The following PARD3 variants were observed in gnomAD, a reference collection of about 807,000 sequenced individuals.
PARD3 encodes the protein par-3 family cell polarity regulator, also known as partitioning defective 3 homolog.
In PARD3, 75 loss-of-function variants were observed where a neutral mutation model predicts 155.4. The ratio of observed to expected loss-of-function variants is 0.48; its 90% CI spans 0.40 to 0.58. The LOEUF is 0.58. PARD3 is among the 20% of genes least tolerant of loss of function. PARD3 has a pLI of 0.00. For synonymous variants in PARD3, 576 were observed against 610.5 expected (o/e 0.94, Z 0.83); for missense variants, 1,642 against 1,721.7 (o/e 0.95, Z 0.82).
intron 5 of PARD3, among the ~76,000 whole-genome samples, chr10:34,436,666 T>C (rs2076202997): frequency 6.6e-6 from 1 of 152,232 alleles, no homozygotes; most frequent in South Asian, 2.1e-4. Context: ...TTTACTGCAG[T>C]ATATTTATGC....
At chr10:34,698,086 A>G (rs2094207883) in intron 1 of PARD3, among the ~76,000 whole-genome samples, 1 of 152,110 alleles carries the variant, frequency 6.6e-6, no homozygotes, top group Non-Finnish European at 1.5e-5. Flanking sequence ...AGCAAGCTCA[A>G]GGGTGACCCA....
intron 2 of PARD3, among the ~76,000 whole-genome samples, chr10:34,612,508 T>C (rs1364133530): frequency 6.6e-6 from 1 of 152,216 alleles, no homozygotes; most frequent in Non-Finnish European, 1.5e-5. Flanking sequence ...ACGTGTAAGA[T>C]GACAATCGTG....
At chr10:34,149,812 G>A (rs6481891) in intron 22 of PARD3, among the ~76,000 whole-genome samples, 29,439 of 152,086 alleles carry the variant, frequency 0.19, 3,538 homozygotes, top group Middle Eastern at 0.38. Context: ...TCCTCTGATC[G>A]TAGATTAAGG....
At chr10:34,669,831 A>G (rs1245567627) in intron 2 of PARD3, among the ~76,000 whole-genome samples, 2 of 152,228 alleles carry the variant, frequency 1.3e-5, no homozygotes, top group African/African-American at 4.8e-5. Flanking sequence ...ACATAGGTAC[A>G]AAAACATATT....
chr10:34,345,023 G>C (rs1463404752), intron 15 of PARD3: 1 of 984,874 alleles, frequency 1.0e-6, no homozygotes, highest in Admixed American at 6.1e-5. Context: ...TGCCAGGATA[G>C]AATAAGATCT....
intron 1 of PARD3, among the ~76,000 whole-genome samples, chr10:34,728,131 AAC>A (rs758693557): frequency 6.7e-6 from 1 of 148,364 alleles, no homozygotes; most frequent in Non-Finnish European, 1.5e-5. Flanking sequence ...AGGCAAGAAA[AAC>A]ACAGAGTAAA....
chr10:34,119,857 ATTTG>A (rs1946889871), intron 23 of PARD3, 117 bp from the exon 24 acceptor site: 1 of 986,690 alleles, frequency 1.0e-6, no homozygotes, highest in Non-Finnish European at 1.4e-6. Context: ...AAATTCTGTG[ATTTG>A]TTTTTCAAAA....
rs193139317 is a variant in PARD3 at position 34,212,102 on chromosome 10, G to A, written c.3419+57555C>T. On this transcript the variant is annotated intron_variant, in intron 22 of 24. Transcript: ENST00000374788. Reference sequence around the variant, plus strand: ...ATTTCTGCCCTCTCCTCCCATTCTTGCATCTACTAACTTAAGTATGCTCAA... The same window carrying A: ...ATTTCTGCCCTCTCCTCCCATTCTTACATCTACTAACTTAAGTATGCTCAA... Among the ~76,000 whole-genome samples, 382 of 144,616 alleles carry A rather than the reference G, an allele frequency of 2.6e-3. 1 individual carries two copies. Among genetic ancestry groups the A allele is most frequent in the African/African-American group, 8.2e-3 (319 of 38,874 alleles). The allele number at this position is 144,616 out of a possible 152,430, so 94.9% of individuals were successfully genotyped here. A position where few individuals can be genotyped will look rare whatever the true frequency, so the allele number is the denominator to read the frequency against.
intron 7 of PARD3, among the ~76,000 whole-genome samples, chr10:34,386,123 T>C (rs1842323589): frequency 6.6e-6 from 1 of 152,208 alleles, no homozygotes; most frequent in South Asian, 2.1e-4. Flanking sequence ...CTAACTTTTA[T>C]TAATAAATAT....
chr10:34,341,887 A>G, intron 15 of PARD3, 71 bp from the exon 16 acceptor site: 2 of 919,046 alleles, frequency 2.2e-6, no homozygotes, highest in Admixed American at 2.4e-5. Flanking sequence ...TAATTTTAAT[A>G]CTTTGCTATA....
chr10:34,364,836 C>G (rs1839813268), intron 12 of PARD3, among the ~76,000 whole-genome samples: 1 of 152,096 alleles, frequency 6.6e-6, no homozygotes, highest in African/African-American at 2.4e-5. Context: ...TGTAAACAAG[C>G]CATTCACTAA....
In PARD3 at chr10:34,368,598, G is replaced by C. The variant is rs1840230130; in HGVS notation, c.1707+3900C>G. Among the ~76,000 whole-genome samples the C allele has an allele frequency of 1.3e-5, 2 of 152,024 alleles. 1 individual carries two copies. The highest frequency in any genetic ancestry group is 4.1e-4 in the South Asian group (2 of 4,824). Reference sequence around the variant, plus strand: ...GAGGCAGGAGAATAGTGTGAACCCGGGGGGTGGAGCTTGCAGTGAGCCAAG... The same window carrying C: ...GAGGCAGGAGAATAGTGTGAACCCGCGGGGTGGAGCTTGCAGTGAGCCAAG... On this transcript the variant is annotated intron_variant, in intron 12 of 24. Transcript: ENST00000374788.
chr10:34,171,950 C>CAAAAAAAAAAAA (rs71033303), intron 22 of PARD3, among the ~76,000 whole-genome samples: 2 of 47,248 alleles, frequency 4.2e-5, no homozygotes, highest in African/African-American at 1.9e-4. Context: ...GACTCCATCT[C>CAAAAAAAAAAAA]AAAAAAAAAA....
intron 5 of PARD3, among the ~76,000 whole-genome samples, chr10:34,403,761 C>T (rs1162519709): frequency 6.6e-5 from 10 of 152,134 alleles, no homozygotes; most frequent in Admixed American, 5.9e-4. Flanking sequence ...CTTGAACGTG[C>T]CTGAGAACTG....
chr10:34,397,803 G>A (rs1192599002), intron 7 of PARD3, among the ~76,000 whole-genome samples: 2 of 152,156 alleles, frequency 1.3e-5, no homozygotes, highest in African/African-American at 4.8e-5. Context: ...CATTTGTGAT[G>A]AGTTATGTTT....
At chr10:34,163,246 C>T (rs1949367718) in intron 22 of PARD3, among the ~76,000 whole-genome samples, 1 of 152,074 alleles carries the variant, frequency 6.6e-6, no homozygotes, top group Non-Finnish European at 1.5e-5. Context: ...GGCCACTCCA[C>T]AGCCGGTGGG....
In PARD3 at chr10:34,337,282, AT is replaced by A. The variant is rs1385447795; in HGVS notation, c.2552del (p.Asp851ValfsTer2). ...FVKTRKSKSMDLGIADETKLN... is the reference protein window; with the variant it reads ...FVKTRKSKSMXLGIADETKLN... Reference sequence around the variant, plus strand: ...CATGGAGATTGTACTCACTACCTAAATCCATGCTTTTTGATTTTCGTGTTTT... The same window carrying A: ...CATGGAGATTGTACTCACTACCTAAACCATGCTTTTTGATTTTCGTGTTTT... On this transcript the variant is annotated frameshift_variant, in exon 17 of 25. Coordinates refer to ENST00000374788, the MANE Select transcript of PARD3 (RefSeq NM_001184785.2). LOFTEE classifies it high-confidence loss of function. The A allele has an allele frequency of 6.3e-7, 1 of 1,593,162 alleles. No individual in the cohort carries two copies. Among genetic ancestry groups the A allele is most frequent in the African/African-American group, 1.4e-5 (1 of 73,676 alleles).
At chr10:34,272,238 A>G (rs1955649377) in intron 21 of PARD3, among the ~76,000 whole-genome samples, 1 of 152,218 alleles carries the variant, frequency 6.6e-6, no homozygotes, top group Non-Finnish European at 1.5e-5. Flanking sequence ...TTTAGGAACT[A>G]GTGCGTGGAG....
chr10:34,583,115 A>C (rs2134275242), intron 2 of PARD3, among the ~76,000 whole-genome samples: 1 of 152,356 alleles, frequency 6.6e-6, no homozygotes, highest in East Asian at 1.9e-4. Context: ...ACCTGGGATT[A>C]AATGTGGTGG....
Sources: allele counts gnomAD v4.1 joint callset (sites outside exome capture counted in the v4.1 genomes callset), GRCh38; gene constraint gnomAD v4.1.1; transcripts MANE v1.5; gene names NCBI Gene and HGNC (gene_info 2026-07-23, HGNC 2026-07-21).